Variants in CNTNAP5 observed in about 807,000 individuals in gnomAD.
The protein encoded by CNTNAP5 is contactin-associated protein-like 5.
A neutral mutation model predicts 150.2 loss-of-function variants in CNTNAP5; 72 were observed. That is an observed-to-expected ratio of 0.48 (90% CI 0.40 to 0.58). The LOEUF (loss-of-function observed/expected upper bound fraction) is 0.58. CNTNAP5 is among the 20% of genes least tolerant of loss of function. CNTNAP5 has a pLI of 0.00. For synonymous variants in CNTNAP5, 672 were observed against 619.8 expected, an observed-to-expected ratio of 1.08 and a Z score of -1.25; for missense variants, 1,636 against 1,626.2, an observed-to-expected ratio of 1.01 and a Z score of -0.10.
intron 10 of CNTNAP5, among the ~76,000 whole-genome samples, chr2:124,537,251 G>T (rs1193651267): frequency 6.6e-6 from 1 of 152,110 alleles, no homozygotes; most frequent in African/African-American, 2.4e-5. Flanking sequence ...CTGGCACTGT[G>T]GTACTTCTAA....
At chr2:124,164,177 T>G (rs555841598) in intron 1 of CNTNAP5, among the ~76,000 whole-genome samples, 1 of 152,320 alleles carries the variant, frequency 6.6e-6, no homozygotes, top group East Asian at 1.9e-4. Context: ...TAGACACTGT[T>G]CTAAGCAACG....
intron 12 of CNTNAP5, among the ~76,000 whole-genome samples, chr2:124,644,052 A>T (rs1319796292): frequency 6.6e-6 from 1 of 152,214 alleles, no homozygotes; most frequent in Non-Finnish European, 1.5e-5. Context: ...TGTCCAACTA[A>T]CTTGACCATC....
intron 1 of CNTNAP5, among the ~76,000 whole-genome samples, chr2:124,039,007 T>A (rs1308151674): frequency 1.3e-5 from 2 of 152,204 alleles, no homozygotes; most frequent in Non-Finnish European, 2.9e-5. Flanking sequence ...TGCCCTAAGT[T>A]ACACTAAATA....
At chr2:124,349,831 A>G (rs1301283738) in intron 3 of CNTNAP5, among the ~76,000 whole-genome samples, 2 of 138,888 alleles carry the variant, frequency 1.4e-5, no homozygotes, top group African/African-American at 2.7e-5. Flanking sequence ...TTGCTCATTC[A>G]TCTATTCCCT....
chr2:124,586,311 T>C (rs1257328073), intron 11 of CNTNAP5, among the ~76,000 whole-genome samples: 3 of 152,194 alleles, frequency 2.0e-5, no homozygotes, highest in Non-Finnish European at 4.4e-5. Context: ...TTCTGAGTTA[T>C]TGAGGTTTTG....
chr2:124,210,849 G>A (rs562662070), intron 1 of CNTNAP5, among the ~76,000 whole-genome samples: 229 of 151,802 alleles, frequency 1.5e-3, no homozygotes, highest in Non-Finnish European at 1.7e-3. Context: ...TAACATATTC[G>A]CATTTTAAAA....
chr2:124,419,430 C>G (rs977574205), intron 4 of CNTNAP5, among the ~76,000 whole-genome samples: 6 of 151,964 alleles, frequency 3.9e-5, no homozygotes, highest in African/African-American at 1.5e-4. Flanking sequence ...GGTGATGAAC[C>G]CCTTGGAGAA....
chr2:124,663,637 G>C (rs1678638548), intron 13 of CNTNAP5, among the ~76,000 whole-genome samples: 1 of 152,098 alleles, frequency 6.6e-6, no homozygotes, highest in African/African-American at 2.4e-5. Flanking sequence ...AAATCCTTTG[G>C]GGAATTGCCT....
intron 3 of CNTNAP5, among the ~76,000 whole-genome samples, chr2:124,400,364 A>G (rs1261499683): frequency 6.6e-6 from 1 of 152,154 alleles, no homozygotes; most frequent in Admixed American, 6.5e-5. Flanking sequence ...AAGACAAAAA[A>G]GATTTGTCAA....
chr2:124,226,016 C>A (rs1324122268), intron 2 of CNTNAP5, among the ~76,000 whole-genome samples: 5 of 152,064 alleles, frequency 3.3e-5, no homozygotes, highest in Non-Finnish European at 5.9e-5. Context: ...CTTTATTGAT[C>A]AAGAAACACT....
intron 13 of CNTNAP5, among the ~76,000 whole-genome samples, chr2:124,702,110 C>T (rs577935400): frequency 8.0e-4 from 122 of 152,022 alleles, no homozygotes; most frequent in African/African-American, 2.7e-3. Flanking sequence ...TCTCCTTAAA[C>T]TTCAAAAATT....
intron 3 of CNTNAP5, among the ~76,000 whole-genome samples, chr2:124,256,389 C>G (rs992144710): frequency 4.2e-4 from 63 of 151,592 alleles, no homozygotes; most frequent in Non-Finnish European, 1.3e-4. Flanking sequence ...AGAGGGCTGG[C>G]ATTTTTTTTT....
intron 10 of CNTNAP5, among the ~76,000 whole-genome samples, chr2:124,559,618 C>G (rs1695839431): frequency 6.6e-6 from 1 of 152,178 alleles, no homozygotes; most frequent in Admixed American, 6.5e-5. Context: ...TGAGTGCCCT[C>G]ACGCTTAATT....
rs573370057 is a variant in CNTNAP5, at chr2:124,296,392, A to ACACAT, written c.381+54003_381+54004insTCACA. ...TAACTGCCCGCAAATGGCCCACAGC[A>ACACAT]CACACCCTTACAGAGTACTGGGCAG... On this transcript the variant is annotated intron_variant, in intron 3 of 23. Transcript: ENST00000682447. 1.8e-4 allele frequency among the ~76,000 whole-genome samples: 27 copies of ACACAT among 152,354 alleles called. No individual in the cohort carries two copies. The East Asian group carries it at 5.2e-3, about 29-fold the overall frequency.
chr2:124,399,252 G>A (rs1457329930), intron 3 of CNTNAP5, among the ~76,000 whole-genome samples: 6 of 152,146 alleles, frequency 3.9e-5, no homozygotes, highest in Admixed American at 3.3e-4. Flanking sequence ...GAGAGGAGGA[G>A]ATCATGATAA....
chr2:124,433,171 C>T lies in CNTNAP5; in HGVS notation c.530-1313C>T, dbSNP rs145606475. 7.2e-5 allele frequency among the ~76,000 whole-genome samples: 11 copies of T among 152,208 alleles called. No individual in the cohort carries two copies. The East Asian group carries it at 1.9e-3, about 27-fold the overall frequency. ...TGGTGGCAGCTGTTGGTCTGTGGCC[C>T]CACTTTGGTCTGGGTGGAATCCTAG... On this transcript the variant is annotated intron_variant, in intron 4 of 23. Coordinates refer to ENST00000682447, the MANE Select transcript of CNTNAP5 (RefSeq NM_001367498.1).
intron 1 of CNTNAP5, among the ~76,000 whole-genome samples, chr2:124,179,082 C>T (rs934380727): frequency 2.0e-5 from 3 of 151,662 alleles, no homozygotes; most frequent in Non-Finnish European, 4.4e-5. Context: ...CATTCCATAC[C>T]CCACCCAGCC....
intron 3 of CNTNAP5, among the ~76,000 whole-genome samples, chr2:124,386,195 A>C (rs1690922965): frequency 6.6e-6 from 1 of 152,146 alleles, no homozygotes; most frequent in South Asian, 2.1e-4. Context: ...AGAATCACCT[A>C]AGGCTGAAGA....
intron 19 of CNTNAP5, among the ~76,000 whole-genome samples, chr2:124,863,151 A>G (rs969759560): frequency 2.0e-5 from 3 of 152,228 alleles, no homozygotes; most frequent in African/African-American, 7.2e-5. Context: ...AGATGTTAAG[A>G]GAGTTCAACA....
Sources: allele counts gnomAD v4.1 joint callset (sites outside exome capture counted in the v4.1 genomes callset), GRCh38; gene constraint gnomAD v4.1.1; transcripts MANE v1.5; gene names NCBI Gene and HGNC (gene_info 2026-07-23, HGNC 2026-07-21).